The following BCL7A variants were observed in gnomAD, a reference collection of about 807,000 sequenced individuals.
The protein encoded by BCL7A is B-cell CLL/lymphoma 7 protein family member A.
A neutral mutation model predicts 28.4 loss-of-function variants in BCL7A; 11 were observed. The ratio of observed to expected loss-of-function variants is 0.39; its 90% CI spans 0.24 to 0.64. The LOEUF is 0.64. Among genes scored for constraint, BCL7A ranks in the 30% least tolerant of loss-of-function variants. BCL7A has a pLI of 0.50. For missense variants in BCL7A, 222 were observed against 274.8 expected (o/e 0.81, Z 1.36); for synonymous variants, 123 against 103.3 (o/e 1.19, Z -1.15).
At chr12:122,039,547 T>G (rs1883927994) in intron 3 of BCL7A, among the ~76,000 whole-genome samples, 1 of 143,764 alleles carries the variant, frequency 7.0e-6, no homozygotes, top group Admixed American at 7.2e-5. Flanking sequence ...ATATATAATA[T>G]AATTATAGTA....
rs1405202742 is a variant in BCL7A, at chr12:122,059,986, C to T, written c.*823C>T. The stretch of plus-strand genomic sequence containing the variant: ...CTTGGAATTTTCTGGCACTTCCTCT[C>T]TATTGCCCCCACCACCACCACCCCC... On this transcript the variant is annotated 3_prime_UTR_variant, in exon 6 of 6. Transcript: ENST00000261822. This position sits in a 1 kb window ranked among gnomAD's most constrained non-coding sequence, Gnocchi z 4.0. 2.1e-5 allele frequency: 5 copies of T among 233,438 alleles called. No individual in the cohort carries two copies. The highest frequency in any genetic ancestry group is 5.6e-5 in the Admixed American group (1 of 17,758). The allele number at this position is 233,438 out of a possible 1,614,324, so 14.5% of individuals were successfully genotyped here.
intron 1 of BCL7A, among the ~76,000 whole-genome samples, chr12:122,022,502 G>C (rs1004841151): frequency 2.1e-5 from 3 of 145,756 alleles, no homozygotes; most frequent in Admixed American, 6.8e-5. Context: ...CTCCCGGGAG[G>C]GGGGCTCGGG....
intron 4 of BCL7A, among the ~76,000 whole-genome samples, chr12:122,046,160 A>T (rs1382363929): frequency 1.3e-5 from 2 of 148,910 alleles, no homozygotes; most frequent in Non-Finnish European, 3.0e-5. Context: ...TCTAACATGG[A>T]GGTATATTTT....
At chr12:122,026,862 AT>A (rs139305294) in intron 1 of BCL7A, among the ~76,000 whole-genome samples, 5,050 of 152,296 alleles carry the variant, frequency 0.033, 281 homozygotes, top group African/African-American at 0.11. Context: ...AACATTCGAA[AT>A]TGGCCTTAGC....
At position 122,043,959 on chromosome 12, in the gene BCL7A, C is replaced by T. The variant is rs141114357; in HGVS notation, c.345C>T (p.Pro115=). The change falls in exon 4 of 6, where the codon CCC becomes CCT. Residue 115 remains proline (P), a synonymous_variant. Transcript: ENST00000261822. ...AGGAGAACAGCAGCAACTCCAGCCCCGCTCCAGAGCCCAACTCGGCTGTGC... is the reference window on the plus strand; with the variant it reads ...AGGAGAACAGCAGCAACTCCAGCCCTGCTCCAGAGCCCAACTCGGCTGTGC... The part of the protein sequence containing the change: ...IKQENSSNSS[P]APEPNSAVPS... 3.5e-4 allele frequency: 564 copies of T among 1,613,968 alleles called. 1 individual carries two copies. The highest frequency in any genetic ancestry group is 6.8e-4 in the African/African-American group (51 of 75,030).
At chr12:122,042,125 G>A (rs1056372427) in intron 3 of BCL7A, among the ~76,000 whole-genome samples, 1 of 151,956 alleles carries the variant, frequency 6.6e-6, no homozygotes, top group Non-Finnish European at 1.5e-5. Flanking sequence ...ACAAGGGGAG[G>A]TGCAGCCCGG....
intron 3 of BCL7A, among the ~76,000 whole-genome samples, chr12:122,039,319 A>T (rs113212959): frequency 0.32 from 46,597 of 147,214 alleles, 7,470 homozygotes; most frequent in East Asian, 0.39. Flanking sequence ...TTAAAAAAAA[A>T]AATAATAATA....
intron 4 of BCL7A, among the ~76,000 whole-genome samples, chr12:122,045,655 A>G (rs968714837): frequency 6.6e-6 from 1 of 152,114 alleles, no homozygotes. Context: ...ATACTGTCCT[A>G]TATATCCACC....
At chr12:122,053,501 G>A (rs1884241388) in intron 4 of BCL7A, among the ~76,000 whole-genome samples, 1 of 152,174 alleles carries the variant, frequency 6.6e-6, no homozygotes, top group South Asian at 2.1e-4. Context: ...AGAAACCCCA[G>A]CAGGGAAGTC....
Position 122,060,456 on chromosome 12 carries a change from C to T in BCL7A, c.*1293C>T, listed in dbSNP as rs775343183. The T allele has an allele frequency of 4.3e-6, 1 of 233,286 alleles. No homozygotes were observed. The highest frequency in any genetic ancestry group is 5.6e-5 in the Admixed American group (1 of 17,780). 14.5% of individuals were successfully genotyped at this position (233,286 alleles called of 1,614,324 possible). On this transcript the variant is annotated 3_prime_UTR_variant, in exon 6 of 6. Coordinates refer to ENST00000261822, the MANE Select transcript of BCL7A (RefSeq NM_001024808.3). ...GCAATCTCCCCTCCCTCCCATCCCC[C>T]ACCTTCGCTGGAACAGCTTCCTCTC... is the stretch of plus-strand genomic sequence containing the variant.
intron 2 of BCL7A, among the ~76,000 whole-genome samples, chr12:122,034,805 G>A (rs909811487): frequency 1.3e-5 from 2 of 151,660 alleles, no homozygotes; most frequent in African/African-American, 4.8e-5. Context: ...CCTTTCTCCC[G>A]GGGTCCTCCC....
rs1251393176 is a variant in BCL7A, at chr12:122,024,531, G to A, written c.92+2348G>A. Among the ~76,000 whole-genome samples, 4 of 148,534 alleles carry A rather than the reference G, an allele frequency of 2.7e-5. 1 individual carries two copies. Among genetic ancestry groups the A allele is most frequent in the East Asian group, 3.9e-4 (2 of 5,098 alleles). ...TATTGCCCAGGTTTCTCTGGCCCCT[G>A]AGAAGCCATATCTCACCTTCCCCGC... On this transcript the variant is annotated intron_variant, in intron 1 of 5. Transcript: ENST00000261822.
intron 3 of BCL7A, among the ~76,000 whole-genome samples, chr12:122,039,164 GC>G (rs376573573): frequency 2.9e-4 from 44 of 151,976 alleles, no homozygotes; most frequent in African/African-American, 1.1e-3. Flanking sequence ...AGGCGTGGTG[GC>G]TGGTGCCTGT....
intron 4 of BCL7A, among the ~76,000 whole-genome samples, chr12:122,047,553 A>G (rs1384333271): frequency 6.6e-6 from 1 of 151,226 alleles, no homozygotes; most frequent in Non-Finnish European, 1.5e-5. Context: ...AAGAAATGGG[A>G]TCTCACTGTT....
chr12:122,030,960 C>T (rs1883730926), intron 2 of BCL7A, among the ~76,000 whole-genome samples, 179 bp downstream of exon 2: 2 of 152,326 alleles, frequency 1.3e-5, no homozygotes, highest in Admixed American at 6.5e-5. Flanking sequence ...ACCCCTCCCA[C>T]TCCAGCCCCA....
chr12:122,038,629 C>A (rs1175396443), intron 3 of BCL7A, among the ~76,000 whole-genome samples: 1 of 151,846 alleles, frequency 6.6e-6, no homozygotes, highest in Non-Finnish European at 1.5e-5. Flanking sequence ...CTGGGGAGAC[C>A]CCACGCCCGA....
chr12:122,047,058 C>T (rs753599756), intron 4 of BCL7A, among the ~76,000 whole-genome samples: 1 of 151,898 alleles, frequency 6.6e-6, no homozygotes, highest in African/African-American at 2.4e-5. Flanking sequence ...CGTGCACCAC[C>T]ACGCCCGGCT....
chr12:122,054,463 A>C (rs1406074005), intron 4 of BCL7A, among the ~76,000 whole-genome samples: 2 of 152,194 alleles, frequency 1.3e-5, no homozygotes, highest in African/African-American at 4.8e-5. Flanking sequence ...AGAGGAATTG[A>C]CAGCCATGAT....
At chr12:122,054,154 GGCTCA>G (rs975510521) in intron 4 of BCL7A, among the ~76,000 whole-genome samples, 9 of 152,084 alleles carry the variant, frequency 5.9e-5, no homozygotes, top group Non-Finnish European at 1.2e-4. Context: ...GCGCGATCTC[GGCTCA>G]CTGCAACCTC....
Sources: allele counts gnomAD v4.1 joint callset (sites outside exome capture counted in the v4.1 genomes callset), GRCh38; gene constraint gnomAD v4.1.1; non-coding constraint Gnocchi (gnomAD v3.1); transcripts MANE v1.5; gene names NCBI Gene and HGNC (gene_info 2026-07-23, HGNC 2026-07-21).